PRKG1: variants seen among roughly 807,000 people sequenced by gnomAD.
The protein encoded by PRKG1 is protein kinase cGMP-dependent 1, also known as cGMP-dependent protein kinase 1.
In PRKG1, 35 loss-of-function variants were observed where a neutral mutation model predicts 88.1. The observed-to-expected ratio is 0.40, with a 90% CI of 0.30 to 0.53. The LOEUF is 0.53. PRKG1 is among the 20% of genes least tolerant of loss of function. The pLI is 0.59. For missense variants in PRKG1, 540 were observed against 839.8 expected, an observed-to-expected ratio of 0.64 and a Z score of 4.41; for synonymous variants, 303 against 292.5, an observed-to-expected ratio of 1.04 and a Z score of -0.37.
At chr10:51,958,098 G>A (rs375183767) in intron 5 of PRKG1, among the ~76,000 whole-genome samples, 12 of 151,936 alleles carry the variant, frequency 7.9e-5, no homozygotes, top group African/African-American at 2.9e-4. Flanking sequence ...TTGTTTATCT[G>A]CAAAAATAGC....
chr10:51,475,538 C>G (rs1840165738), intron 3 of PRKG1, among the ~76,000 whole-genome samples: 1 of 152,012 alleles, frequency 6.6e-6, no homozygotes, highest in Non-Finnish European at 1.5e-5. Flanking sequence ...ATTACAGACA[C>G]TATAATAAGT....
chr10:51,748,198 C>A (rs1012975508), intron 3 of PRKG1, among the ~76,000 whole-genome samples: 3 of 152,182 alleles, frequency 2.0e-5, no homozygotes, highest in Non-Finnish European at 4.4e-5. Flanking sequence ...CAAGACTGAC[C>A]ATTATGCTTG....
intron 1 of PRKG1, among the ~76,000 whole-genome samples, chr10:51,000,714 G>A (rs1665867074): frequency 2.0e-5 from 3 of 152,236 alleles, no homozygotes; most frequent in South Asian, 4.1e-4. Flanking sequence ...ATGTTGCTGA[G>A]GGTAAGGCTA....
chr10:51,835,706 A>T (rs1840114426), intron 4 of PRKG1, among the ~76,000 whole-genome samples: 1 of 152,216 alleles, frequency 6.6e-6, no homozygotes, highest in African/African-American at 2.4e-5. Flanking sequence ...GAGTGCAGAC[A>T]TACATCTATT....
intron 5 of PRKG1, among the ~76,000 whole-genome samples, chr10:51,961,856 C>A (rs1843455529): frequency 6.6e-6 from 1 of 152,086 alleles, no homozygotes; most frequent in Admixed American, 6.6e-5. Flanking sequence ...ATTTAGAGAC[C>A]AGGTAGTGAT....
chr10:52,250,174 T>G (rs1418463987), intron 9 of PRKG1, among the ~76,000 whole-genome samples: 2 of 152,192 alleles, frequency 1.3e-5, no homozygotes, highest in Admixed American at 6.5e-5. Context: ...ACTATGTTGA[T>G]CTCTTGAGTG....
chr10:51,777,911 C>T (rs765931791), intron 3 of PRKG1, among the ~76,000 whole-genome samples: 1 of 152,030 alleles, frequency 6.6e-6, no homozygotes, highest in Non-Finnish European at 1.5e-5. Flanking sequence ...TGCATTTAAG[C>T]TTCTTTTATG....
At chr10:51,596,930 G>A (rs939799205) in intron 3 of PRKG1, among the ~76,000 whole-genome samples, 4 of 152,156 alleles carry the variant, frequency 2.6e-5, no homozygotes, top group Non-Finnish European at 5.9e-5. Context: ...TCTCTGTTTG[G>A]TGTGTATAAT....
At chr10:51,163,523 G>A (rs1008576354) in intron 2 of PRKG1, among the ~76,000 whole-genome samples, 1 of 152,134 alleles carries the variant, frequency 6.6e-6, no homozygotes, top group African/African-American at 2.4e-5. Flanking sequence ...ACTAGGGAGT[G>A]CCAGACAATG....
At chr10:51,617,503 A>C (rs950759238) in intron 3 of PRKG1, among the ~76,000 whole-genome samples, 2 of 152,154 alleles carry the variant, frequency 1.3e-5, no homozygotes, top group African/African-American at 4.8e-5. Context: ...TTCCTAGCCC[A>C]CCACAGCCAT....
chr10:51,336,835 C>T (rs1841887556), intron 2 of PRKG1, among the ~76,000 whole-genome samples: 1 of 152,036 alleles, frequency 6.6e-6, no homozygotes, highest in African/African-American at 2.4e-5. Flanking sequence ...CCATAATGCC[C>T]AAAATAATTT....
rs935842471 is a variant in PRKG1 at position 51,502,229 on chromosome 10, G to A, written c.592+34393G>A. Among the ~76,000 whole-genome samples, 17 of 152,128 alleles carry A rather than the reference G, an allele frequency of 1.1e-4. No homozygotes were observed. In the East Asian group the frequency reaches 1.2e-3, roughly 10 times the overall value. On this transcript the variant is annotated intron_variant, in intron 3 of 17. Transcript: ENST00000373980. ...GGATAACATGCTGGATCTCTGTTATGCCACCAATTTAAATACATGCCAGGG... is the reference window on the plus strand; with the variant it reads ...GGATAACATGCTGGATCTCTGTTATACCACCAATTTAAATACATGCCAGGG...
intron 3 of PRKG1, among the ~76,000 whole-genome samples, chr10:51,626,628 A>C (rs1329090440): frequency 6.6e-6 from 1 of 152,146 alleles, no homozygotes; most frequent in Non-Finnish European, 1.5e-5. Context: ...TATCTTTTAC[A>C]TAGCAACAAT....
chr10:51,329,961 G>T, intron 2 of PRKG1, among the ~76,000 whole-genome samples: 3 of 138,744 alleles, frequency 2.2e-5, no homozygotes, highest in Admixed American at 7.3e-5. Flanking sequence ...AGATATGATT[G>T]GAGACTTTTG....
At position 51,369,528 on chromosome 10, in the gene PRKG1, A is replaced by G. The variant is rs534257906; in HGVS notation, c.479-98195A>G. Among the ~76,000 whole-genome samples, 21 of 152,212 alleles carry G rather than the reference A, an allele frequency of 1.4e-4. No individual in the cohort carries two copies. In the South Asian group the frequency reaches 4.1e-3, roughly 30 times the overall value. On this transcript the variant is annotated intron_variant, in intron 2 of 17. Transcript: ENST00000373980. ...TCTGGAAGGTAAACAAAGGTTGAAC[A>G]CCATCAATTTAGAAGATCTTCATCT...
intron 9 of PRKG1, among the ~76,000 whole-genome samples, chr10:52,180,066 C>A (rs1838974641): frequency 6.6e-6 from 1 of 152,138 alleles, no homozygotes; most frequent in South Asian, 2.1e-4. Flanking sequence ...GCTTAATGGT[C>A]CCTCATAAAT....
chr10:52,147,393 A>C (rs1039295195), intron 8 of PRKG1, among the ~76,000 whole-genome samples: 1 of 152,184 alleles, frequency 6.6e-6, no homozygotes, highest in Non-Finnish European at 1.5e-5. Flanking sequence ...GTTTTAATAC[A>C]CTCATGTCAG....
At chr10:51,771,993 A>AT (rs903273835) in intron 3 of PRKG1, among the ~76,000 whole-genome samples, 1 of 152,014 alleles carries the variant, frequency 6.6e-6, no homozygotes, top group African/African-American at 2.4e-5. Context: ...TGGTATTTTT[A>AT]TTTTTTTTAA....
intron 3 of PRKG1, among the ~76,000 whole-genome samples, chr10:51,603,404 A>G (rs977496524): frequency 1.1e-4 from 17 of 152,224 alleles, no homozygotes; most frequent in Non-Finnish European, 2.9e-5. Flanking sequence ...CCAAAGTTCA[A>G]ACACGAAGTC....
Sources: gnomAD v4.1 joint callset for allele counts (sites outside exome capture counted in the v4.1 genomes callset) on GRCh38, gnomAD v4.1.1 for gene constraint, MANE v1.5 for transcripts, NCBI Gene and HGNC (gene_info 2026-07-23, HGNC 2026-07-21) for gene names.